Variants in CHST9 observed in about 807,000 individuals in gnomAD.
CHST9 encodes the protein GalNAc-4-sulfotransferase 2.
In CHST9, 41 loss-of-function variants were observed where a neutral mutation model predicts 44.4. That is an observed-to-expected ratio of 0.92 (90% confidence interval 0.72 to 1.20). The LOEUF is 1.20. Ranked by LOEUF, CHST9 falls within the 50% of genes most tolerant of loss-of-function variation. The pLI is 0.00. For synonymous variants in CHST9, 171 were observed against 178.4 expected, an observed-to-expected ratio of 0.96 and a Z score of 0.33; for missense variants, 504 against 516.5, an observed-to-expected ratio of 0.98 and a Z score of 0.23.
chr18:26,979,483 T>C (rs1009217546), intron 4 of CHST9, among the ~76,000 whole-genome samples: 12 of 152,206 alleles, frequency 7.9e-5, no homozygotes, highest in Non-Finnish European at 1.2e-4. Context: ...CATTTTTTTC[T>C]GCCCTCTTAT....
At chr18:27,146,681 T>A (rs760900486) in intron 1 of CHST9, among the ~76,000 whole-genome samples, 2 of 152,216 alleles carry the variant, frequency 1.3e-5, no homozygotes, top group African/African-American at 4.8e-5. Flanking sequence ...TAAAAGGTAC[T>A]TAAAAACTTG....
At chr18:26,925,167 G>A (rs1412250653) in intron 5 of CHST9, among the ~76,000 whole-genome samples, 1 of 152,156 alleles carries the variant, frequency 6.6e-6, no homozygotes, top group Non-Finnish European at 1.5e-5. Context: ...ACATGAAAGA[G>A]GAATCCTGGC....
intron 2 of CHST9, among the ~76,000 whole-genome samples, chr18:27,103,928 T>C (rs73404900): frequency 0.023 from 3,451 of 152,262 alleles, 116 homozygotes; most frequent in African/African-American, 0.077. Flanking sequence ...ATTTCTAGGA[T>C]TTACAGGTAA....
At chr18:27,124,229 C>G (rs139778679) in intron 2 of CHST9, among the ~76,000 whole-genome samples, 2 of 152,228 alleles carry the variant, frequency 1.3e-5, no homozygotes, top group Non-Finnish European at 2.9e-5. Context: ...TCTTTATCTT[C>G]TGGAATCCAA....
intron 5 of CHST9, among the ~76,000 whole-genome samples, chr18:26,942,605 T>G (rs994836668): frequency 6.6e-6 from 1 of 152,196 alleles, no homozygotes; most frequent in African/African-American, 2.4e-5. Context: ...GTGACCTTAG[T>G]ATATTTTTTG....
intron 4 of CHST9, among the ~76,000 whole-genome samples, chr18:26,996,563 A>G (rs373785369): frequency 1.0e-3 from 156 of 152,320 alleles, no homozygotes; most frequent in African/African-American, 3.7e-3. Context: ...GTGCTTCTAT[A>G]TAGGACAAAA....
At chr18:26,989,723 T>G (rs1340913038) in intron 4 of CHST9, among the ~76,000 whole-genome samples, 1 of 152,128 alleles carries the variant, frequency 6.6e-6, no homozygotes, top group African/African-American at 2.4e-5. Context: ...CCCAGCACTT[T>G]TGGATTGCTT....
intron 2 of CHST9, among the ~76,000 whole-genome samples, chr18:27,113,715 C>T (rs1224396391): frequency 1.3e-5 from 2 of 152,146 alleles, no homozygotes; most frequent in East Asian, 3.8e-4. Flanking sequence ...TCTTAGACTT[C>T]CCAGTTTCTA....
intron 1 of CHST9, among the ~76,000 whole-genome samples, chr18:27,178,512 A>T (rs1381408484): frequency 6.6e-6 from 1 of 152,032 alleles, no homozygotes; most frequent in Non-Finnish European, 1.5e-5. Context: ...GCAGATCTTA[A>T]GTTACAGTCC....
chr18:26,947,486 A>G (rs997366854), intron 4 of CHST9, among the ~76,000 whole-genome samples: 3 of 152,230 alleles, frequency 2.0e-5, no homozygotes, highest in African/African-American at 7.2e-5. Flanking sequence ...GAATAGGAGA[A>G]AATGTTTGCA....
chr18:27,141,674 A>C (rs1303800890), intron 2 of CHST9, among the ~76,000 whole-genome samples: 1 of 150,814 alleles, frequency 6.6e-6, no homozygotes, highest in Admixed American at 6.6e-5. Flanking sequence ...AAAAATAATC[A>C]TAGTTGTAAC....
chr18:26,952,443 T>G, intron 4 of CHST9: 4 of 430,204 alleles, frequency 9.3e-6, no homozygotes, highest in South Asian at 7.4e-5. Flanking sequence ...CGGAGGGAAA[T>G]CTTATTTCCT....
chr18:27,143,669 A>G (rs937224306), intron 1 of CHST9, among the ~76,000 whole-genome samples: 1 of 152,180 alleles, frequency 6.6e-6, no homozygotes, highest in African/African-American at 2.4e-5. Flanking sequence ...AAAGATTTAC[A>G]AAATCTTACA....
At chr18:26,978,089 G>GTT (rs34357394) in intron 4 of CHST9, among the ~76,000 whole-genome samples, 6 of 147,118 alleles carry the variant, frequency 4.1e-5, no homozygotes, top group African/African-American at 1.2e-4. Flanking sequence ...TTTTCCTGTG[G>GTT]TTTTTTTTTT....
intron 2 of CHST9, among the ~76,000 whole-genome samples, chr18:27,132,877 T>C (rs1029470101): frequency 4.6e-5 from 7 of 152,310 alleles, no homozygotes; most frequent in Middle Eastern, 3.4e-3. Context: ...TTTCTTCCTG[T>C]CTGCTTTTCT....
chr18:27,169,533 T>TA (rs775710337), intron 1 of CHST9, among the ~76,000 whole-genome samples: 1 of 151,188 alleles, frequency 6.6e-6, no homozygotes, highest in South Asian at 2.1e-4. Flanking sequence ...ATAACAGACT[T>TA]AAAAACTTTA....
chr18:27,018,283 A>G (rs941391864), intron 4 of CHST9, among the ~76,000 whole-genome samples: 2 of 152,198 alleles, frequency 1.3e-5, no homozygotes, highest in Admixed American at 1.3e-4. Context: ...CCTCAATGAG[A>G]AGGAGAAAAA....
intron 4 of CHST9, among the ~76,000 whole-genome samples, chr18:26,985,129 G>GT (rs1227060397): frequency 6.6e-6 from 1 of 152,028 alleles, no homozygotes; most frequent in Non-Finnish European, 1.5e-5. Context: ...AAATATATGT[G>GT]GTACATCAAC....
intron 4 of CHST9, among the ~76,000 whole-genome samples, chr18:27,010,945 G>A (rs1022401699): frequency 6.6e-6 from 1 of 152,156 alleles, no homozygotes; most frequent in East Asian, 1.9e-4. Context: ...CCAGCCTCTG[G>A]TAGGCAGTGG....
Sources: gnomAD v4.1 joint callset for allele counts (sites outside exome capture counted in the v4.1 genomes callset) on GRCh38, gnomAD v4.1.1 for gene constraint, MANE v1.5 for transcripts, NCBI Gene and HGNC (gene_info 2026-07-23, HGNC 2026-07-21) for gene names.